Variants in ATXN10 observed in about 807,000 individuals in gnomAD.
The protein encoded by ATXN10 is ataxin-10.
Under a neutral mutation model 52.9 loss-of-function variants are expected in ATXN10, and 28 were observed. That is an observed-to-expected ratio of 0.53 (90% CI 0.39 to 0.73). ATXN10 has a LOEUF of 0.73. Among genes scored for constraint, ATXN10 ranks in the 30% least tolerant of loss-of-function variants. ATXN10 has a pLI of 0.00. For synonymous variants in ATXN10, 226 were observed against 221.5 expected, an observed-to-expected ratio of 1.02 and a Z score of -0.18; for missense variants, 565 against 577.0, an observed-to-expected ratio of 0.98 and a Z score of 0.21.
chr22:45,819,564 G>T lies in ATXN10; in HGVS notation c.1237+12542G>T, dbSNP rs1928581762. Among the ~76,000 whole-genome samples, 1 of 152,154 alleles carries T rather than the reference G, an allele frequency of 6.6e-6. No individual in the cohort carries two copies. On this transcript the variant is annotated intron_variant, in intron 10 of 11. Coordinates refer to ENST00000252934, the MANE Select transcript of ATXN10 (RefSeq NM_013236.4). This position sits in a 1 kb window ranked among gnomAD's most constrained non-coding sequence, Gnocchi z 4.5. ...TTGTAGTTGACTCAGAACCACTAGG[G>T]CACTTCTGTGATCACAGCAGTCCCA...
chr22:45,685,492 T>C (rs1283506238), intron 1 of ATXN10, among the ~76,000 whole-genome samples: 1 of 152,214 alleles, frequency 6.6e-6, no homozygotes, highest in Non-Finnish European at 1.5e-5. Context: ...AAAGCAGAAA[T>C]GACAGCAGTT....
In ATXN10 at chr22:45,693,128, A is replaced by G. The variant is rs189835546; in HGVS notation, c.391+50A>G. 7.5e-3 allele frequency: 11,034 copies of G among 1,471,036 alleles called. 64 individuals are homozygous for G. Among genetic ancestry groups the G allele is most frequent in the Non-Finnish European group, 8.9e-3 (9,329 of 1,052,000 alleles). The allele number at this position is 1,471,036 out of a possible 1,614,324, so 91.1% of individuals were successfully genotyped here. On this transcript the variant is annotated intron_variant, in intron 3 of 11. Coordinates refer to ENST00000252934, the MANE Select transcript of ATXN10 (RefSeq NM_013236.4). ...TTATTTATATCTTTATAAAGGGTTC[A>G]AAACCAGTACTTTGAGTATTAACAT... is the stretch of plus-strand genomic sequence containing the variant.
intron 7 of ATXN10, among the ~76,000 whole-genome samples, chr22:45,735,133 G>A (rs1193893296): frequency 6.6e-6 from 1 of 151,950 alleles, no homozygotes; most frequent in African/African-American, 2.4e-5. Flanking sequence ...CCCGCCTCGG[G>A]CTCCCAAAGT....
rs1265722254 is a variant in ATXN10 at position 45,690,930 on chromosome 22, C to G, written c.308+1027C>G. Among the ~76,000 whole-genome samples, 1 of 152,230 alleles carries G rather than the reference C, an allele frequency of 6.6e-6. No individual in the cohort carries two copies. Among genetic ancestry groups the G allele is most frequent in the Non-Finnish European group, 1.5e-5 (1 of 68,044 alleles). ...ATGTAGACAGAGCCTCCAGGCTTCC[C>G]TGTCACCACTGTGACGGGTAAGCTT... is the stretch of plus-strand genomic sequence containing the variant. On this transcript the variant is annotated intron_variant, in intron 2 of 11. Transcript: ENST00000252934. This position sits in a 1 kb window ranked among gnomAD's most constrained non-coding sequence, Gnocchi z 4.5.
In ATXN10 at chr22:45,781,121, T is replaced by G. The variant is rs1164688932; in HGVS notation, c.1174-25838T>G. On this transcript the variant is annotated intron_variant, in intron 9 of 11. Coordinates refer to ENST00000252934, the MANE Select transcript of ATXN10 (RefSeq NM_013236.4). This position sits in a 1 kb window ranked among gnomAD's most constrained non-coding sequence, Gnocchi z 4.2. Reference sequence around the variant, plus strand: ...ACTTTTAGACAGTAAGTGCCCTATTTCAGCCAAACACCACGGAAAAGAATG... The same window carrying G: ...ACTTTTAGACAGTAAGTGCCCTATTGCAGCCAAACACCACGGAAAAGAATG... Among the ~76,000 whole-genome samples the G allele has an allele frequency of 6.6e-6, 1 of 152,176 alleles. No individual in the cohort carries two copies. Among genetic ancestry groups the G allele is most frequent in the Non-Finnish European group, 1.5e-5 (1 of 68,026 alleles).
At chr22:45,753,882 G>GTGA (rs1329756594) in intron 9 of ATXN10, among the ~76,000 whole-genome samples, 1 of 152,158 alleles carries the variant, frequency 6.6e-6, no homozygotes, top group Non-Finnish European at 1.5e-5. Context: ...GTGGCAGCCT[G>GTGA]TGATGGGGTC....
rs1263291549 is a variant in ATXN10, at chr22:45,828,453, G to A, written c.1238-14538G>A. 6.6e-6 allele frequency among the ~76,000 whole-genome samples: 1 copy of A among 151,860 alleles called. No homozygotes were observed. Among genetic ancestry groups the A allele is most frequent in the Non-Finnish European group, 1.5e-5 (1 of 67,962 alleles). On this transcript the variant is annotated intron_variant, in intron 10 of 11. Transcript: ENST00000252934. This position sits in a 1 kb window ranked among gnomAD's most constrained non-coding sequence, Gnocchi z 4.5. ...AACTAGAGAATAGAAAAATAATAGA[G>A]AAAATTATGAAAACAGAAGTTGCTT...
At position 45,707,179 on chromosome 22, in the gene ATXN10, A is replaced by C. The variant is rs560609791; in HGVS notation, c.647+4332A>C. ...AAATCTATTTTTCCATATCTTTTGC[A>C]CATAGTAGTCAGTGTGTGATTAGGC... On this transcript the variant is annotated intron_variant, in intron 5 of 11. Coordinates refer to ENST00000252934, the MANE Select transcript of ATXN10 (RefSeq NM_013236.4). Among the ~76,000 whole-genome samples the C allele has an allele frequency of 2.0e-5, 3 of 152,226 alleles. No homozygotes were observed. In the East Asian group the frequency reaches 5.8e-4, roughly 29 times the overall value.
Position 45,842,509 on chromosome 22 carries a change from C to A in ATXN10, c.1238-482C>A, listed in dbSNP as rs1929379507. On this transcript the variant is annotated intron_variant, in intron 10 of 11. Coordinates refer to ENST00000252934, the MANE Select transcript of ATXN10 (RefSeq NM_013236.4). This position sits in a 1 kb window ranked among gnomAD's most constrained non-coding sequence, Gnocchi z 4.8. The stretch of plus-strand genomic sequence containing the variant: ...CAATTCTTATTTCTAACTGGGCTCC[C>A]ATTAAAACAAGATGATTTTCCTGAT... 1.3e-5 allele frequency among the ~76,000 whole-genome samples: 2 copies of A among 152,188 alleles called. No individual in the cohort carries two copies. The highest frequency in any genetic ancestry group is 4.8e-5 in the African/African-American group (2 of 41,444).
At chr22:45,771,765 T>C (rs979491517) in intron 9 of ATXN10, among the ~76,000 whole-genome samples, 1 of 152,068 alleles carries the variant, frequency 6.6e-6, no homozygotes, top group African/African-American at 2.4e-5. Flanking sequence ...ATTTTGAAAT[T>C]GGGTTGTTTT....
At chr22:45,773,546 C>A (rs1251478399) in intron 9 of ATXN10, among the ~76,000 whole-genome samples, 2 of 152,024 alleles carry the variant, frequency 1.3e-5, no homozygotes, top group African/African-American at 4.8e-5. Flanking sequence ...GCAACCTCCA[C>A]CTCCCAGGTT....
intron 10 of ATXN10, among the ~76,000 whole-genome samples, chr22:45,827,991 A>T (rs1223075598): frequency 6.6e-6 from 1 of 152,230 alleles, no homozygotes; most frequent in Admixed American, 6.5e-5. Context: ...TCACAAATTT[A>T]TGGAAATTAA....
At chr22:45,686,902 A>T (rs1241207694) in intron 1 of ATXN10, among the ~76,000 whole-genome samples, 1 of 151,816 alleles carries the variant, frequency 6.6e-6, no homozygotes, top group East Asian at 1.9e-4. Context: ...TGGTGGTGAG[A>T]TATGTTTGAG....
At chr22:45,815,331 G>A (rs527762576) in intron 10 of ATXN10, among the ~76,000 whole-genome samples, 78 of 152,326 alleles carry the variant, frequency 5.1e-4, no homozygotes, top group Non-Finnish European at 7.2e-4. Flanking sequence ...ACGTGGGGTA[G>A]AAGGGTAGGG....
chr22:45,705,619 A>G lies in ATXN10; in HGVS notation c.647+2772A>G, dbSNP rs1351500386. On this transcript the variant is annotated intron_variant, in intron 5 of 11. Transcript: ENST00000252934. This position sits in a 1 kb window ranked among gnomAD's most constrained non-coding sequence, Gnocchi z 5.2. ...GGCTAATTTTTTTTGTATTTTTAGT[A>G]GAGACGGGGTTTCACCATCTTGGCC... 1.3e-5 allele frequency among the ~76,000 whole-genome samples: 2 copies of G among 152,036 alleles called. No individual in the cohort carries two copies. Among genetic ancestry groups the G allele is most frequent in the African/African-American group, 4.8e-5 (2 of 41,382 alleles).
At position 45,763,911 on chromosome 22, in the gene ATXN10, C is replaced by T. The variant is rs1044857029; in HGVS notation, c.1173+23373C>T. ...GTTAGGCTCTTACCCCCACCTCCCC[C>T]AGTGTCTTCCAGGCCCCCTTCTTAT... On this transcript the variant is annotated intron_variant, in intron 9 of 11. Transcript: ENST00000252934. This position sits in a 1 kb window ranked among gnomAD's most constrained non-coding sequence, Gnocchi z 6.9. 2.0e-5 allele frequency among the ~76,000 whole-genome samples: 3 copies of T among 151,922 alleles called. No homozygotes were observed. Among genetic ancestry groups the T allele is most frequent in the Middle Eastern group, 3.2e-3 (1 of 316 alleles).
At chr22:45,810,499 C>T (rs6007164) in intron 10 of ATXN10, among the ~76,000 whole-genome samples, 5,546 of 152,284 alleles carry the variant, frequency 0.036, 355 homozygotes, top group African/African-American at 0.13. Context: ...CAGAAAACCT[C>T]GTTTACCACT....
intron 7 of ATXN10, among the ~76,000 whole-genome samples, chr22:45,735,136 C>T (rs1047117618): frequency 3.3e-5 from 5 of 152,020 alleles, no homozygotes; most frequent in Admixed American, 2.6e-4. Context: ...GCCTCGGGCT[C>T]CCAAAGTGCT....
intron 10 of ATXN10, among the ~76,000 whole-genome samples, chr22:45,808,175 C>T (rs1171957877): frequency 6.6e-6 from 1 of 152,096 alleles, no homozygotes; most frequent in African/African-American, 2.4e-5. Context: ...TCCCTGAAGG[C>T]TGTGCTCATT....
Sources: allele counts gnomAD v4.1 joint callset (sites outside exome capture counted in the v4.1 genomes callset), GRCh38; gene constraint gnomAD v4.1.1; non-coding constraint Gnocchi (gnomAD v3.1); transcripts MANE v1.5; gene names NCBI Gene and HGNC (gene_info 2026-07-23, HGNC 2026-07-21).